CIITA: variants seen among roughly 807,000 people sequenced by gnomAD.
CIITA encodes MHC class II transactivator.
A neutral mutation model predicts 115.1 loss-of-function variants in CIITA; 72 were observed. That is an observed-to-expected ratio of 0.63 (90% CI 0.52 to 0.76). The LOEUF is 0.76. CIITA is among the 30% of genes least tolerant of loss of function. CIITA has a pLI of 0.00. For missense variants in CIITA, 1,617 were observed against 1,463.8 expected (o/e 1.10, Z -1.71); for synonymous variants, 763 against 635.6 (o/e 1.20, Z -3.02).
At chr16:10,878,399 C>G (rs1298401217) in intron 1 of CIITA, among the ~76,000 whole-genome samples, 1 of 152,134 alleles carries the variant, frequency 6.6e-6, no homozygotes, top group South Asian at 2.1e-4. Flanking sequence ...AGTCTCATGC[C>G]TTGGAGGACC....
chr16:10,872,834 CA>C (rs201053037), upstream of CIITA, among the ~76,000 whole-genome samples: 347 of 152,360 alleles, frequency 2.3e-3, 10 homozygotes, highest in East Asian at 0.061. Context: ...CACCAAAAAG[CA>C]TGAGATGAAG....
In CIITA at chr16:10,899,111, G is replaced by C. The variant is rs557174852; in HGVS notation, c.436+109G>C. On this transcript the variant is annotated intron_variant, in intron 5 of 19. Transcript: ENST00000324288. ...TTGCTTCCCTCGCTAAGTCCTGTCTGGTTGGGAGGCCCTTTAAAAGCCAAC... is the reference window on the plus strand; with the variant it reads ...TTGCTTCCCTCGCTAAGTCCTGTCTCGTTGGGAGGCCCTTTAAAAGCCAAC... The C allele has an allele frequency of 3.8e-6, 4 of 1,043,992 alleles. No homozygotes were observed. In the East Asian group the frequency reaches 9.9e-5, roughly 26 times the overall value. The allele number at this position is 1,043,992 out of a possible 1,614,324, so 64.7% of individuals were successfully genotyped here.
intron 1 of CIITA, among the ~76,000 whole-genome samples, chr16:10,870,169 CAAAAAAAAAAAAAAA>C (rs34256366): frequency 1.1e-4 from 5 of 46,284 alleles, no homozygotes; most frequent in South Asian, 1.0e-3. Flanking sequence ...GTACTTCCTG[CAAAAAAAAAAAAAAA>C]AAAAAAAAAA....
intron 16 of CIITA, among the ~76,000 whole-genome samples, chr16:10,921,517 A>T (rs193106941): frequency 2.6e-5 from 4 of 152,278 alleles, no homozygotes; most frequent in Admixed American, 2.6e-4. Context: ...CATGTTCTAA[A>T]TGTTATATCA....
rs1309966118 is a variant in CIITA at position 10,903,911 on chromosome 16, G to A, written c.937+16G>A. ...AACATGACAGGTAAGGACCCTTAGG[G>A]CCTGTGAGAGGTACTAGAAGCAGGA... is the stretch of plus-strand genomic sequence containing the variant. On this transcript the variant is annotated intron_variant, in intron 9 of 19. Transcript: ENST00000324288. 3 of 1,614,214 alleles carry A rather than the reference G, an allele frequency of 1.9e-6. No homozygotes were observed. Among genetic ancestry groups the A allele is most frequent in the Non-Finnish European group, 2.5e-6 (3 of 1,180,038 alleles).
At position 10,941,438 on chromosome 16, in the gene CIITA, A is replaced by G. The variant is rs535185166; in HGVS notation, n.564A>G. The G allele has an allele frequency of 2.7e-5, 24 of 900,440 alleles. No homozygotes were observed. Among genetic ancestry groups the G allele is most frequent in the Middle Eastern group, 4.0e-4 (1 of 2,494 alleles). 55.8% of individuals were successfully genotyped at this position (900,440 alleles called of 1,614,324 possible). The stretch of plus-strand genomic sequence containing the variant: ...TAAGAGGAGTCTGGCCATTCCTGGC[A>G]TCCAGTTAGACCTGGAGGAGGTGAA... On this transcript the variant is annotated non_coding_transcript_exon_variant, in exon 2 of 2. Transcript: ENST00000573379. The surrounding 1 kb of genome is among the most constrained non-coding windows in gnomAD (Gnocchi z 6.4).
At chr16:10,921,305 A>T (rs1026997971) in intron 16 of CIITA, among the ~76,000 whole-genome samples, 3 of 152,206 alleles carry the variant, frequency 2.0e-5, no homozygotes, top group Admixed American at 6.5e-5. Flanking sequence ...GGCATCAGTG[A>T]CACTCATCAT....
rs530334121 is a variant in CIITA at position 10,929,649 on chromosome 16, G to A, written c.*5794G>A. ...GGACAGGGACCAATCCACCAGGCTC[G>A]GGAGGCTTGGGGTGGGGCAGGGAAG... On this transcript the variant is annotated 3_prime_UTR_variant, in exon 20 of 20. Coordinates refer to ENST00000324288, the MANE Select transcript of CIITA (RefSeq NM_000246.4). The surrounding 1 kb of genome is among the most constrained non-coding windows in gnomAD (Gnocchi z 4.3). 3.9e-4 allele frequency: 317 copies of A among 805,888 alleles called. No individual in the cohort carries two copies. Among genetic ancestry groups the A allele is most frequent in the Non-Finnish European group, 4.6e-4 (305 of 666,304 alleles). 49.9% of individuals were successfully genotyped at this position (805,888 alleles called of 1,614,324 possible).
chr16:10,879,113 A>C lies in CIITA; in HGVS notation c.52+1731A>C, dbSNP rs1410650197. The C allele has an allele frequency of 1.1e-5, 2 of 187,770 alleles. No homozygotes were observed. The highest frequency in any genetic ancestry group is 2.2e-5 in the Non-Finnish European group (2 of 89,162). The allele number at this position is 187,770 out of a possible 1,614,324, so 11.6% of individuals were successfully genotyped here. A position where few individuals can be genotyped will look rare whatever the true frequency, so the allele number is the denominator to read the frequency against. On this transcript the variant is annotated intron_variant, in intron 1 of 19. Transcript: ENST00000324288. This position sits in a 1 kb window ranked among gnomAD's most constrained non-coding sequence, Gnocchi z 4.3. ...AATCGAGGCTCCGAGACTGTCAGCT[A>C]CTTGCTCAAGGTCACACAGCAAGTC...
rs1276601904 is a variant in CIITA, at chr16:10,924,227, G to C, written c.*372G>C. Reference sequence around the variant, plus strand: ...CTGCCCAGGCCCCTGCCACCCTGGGGAGAAAGTACTTCTTTTTTTTTATTT... The same window carrying C: ...CTGCCCAGGCCCCTGCCACCCTGGGCAGAAAGTACTTCTTTTTTTTTATTT... On this transcript the variant is annotated 3_prime_UTR_variant, in exon 20 of 20. Coordinates refer to ENST00000324288, the MANE Select transcript of CIITA (RefSeq NM_000246.4). The C allele has an allele frequency of 6.6e-6, 1 of 152,404 alleles. No individual in the cohort carries two copies. Among genetic ancestry groups the C allele is most frequent in the Non-Finnish European group, 1.5e-5 (1 of 68,212 alleles). The allele number at this position is 152,404 out of a possible 1,614,324, so 9.4% of individuals were successfully genotyped here.
At chr16:10,884,132 G>C (rs1462914574) in intron 1 of CIITA, among the ~76,000 whole-genome samples, 2 of 135,756 alleles carry the variant, frequency 1.5e-5, no homozygotes, top group Non-Finnish European at 3.0e-5. Context: ...TTTCACTTGT[G>C]ACTGAGCTTG....
intron 10 of CIITA, among the ~76,000 whole-genome samples, chr16:10,905,497 A>C (rs1002151778): frequency 2.0e-5 from 3 of 152,224 alleles, no homozygotes; most frequent in African/African-American, 7.2e-5. Flanking sequence ...ATGGTGCCTT[A>C]TGCCTGTAAT....
upstream of CIITA, among the ~76,000 whole-genome samples, chr16:10,875,281 A>G (rs767291456): frequency 4.6e-5 from 7 of 152,180 alleles, no homozygotes; most frequent in Non-Finnish European, 8.8e-5. Context: ...TCTGACATTC[A>G]CCATATCCGT....
chr16:10,941,250 C>G (rs912218392), downstream of CIITA: 3 of 157,700 alleles, frequency 1.9e-5, no homozygotes, highest in African/African-American at 7.2e-5. This position sits in a 1 kb window ranked among gnomAD's most constrained non-coding sequence, Gnocchi z 6.4. Context: ...GGAGGAGGAG[C>G]TGACAGCTCT....
Position 10,901,657 on chromosome 16 carries a change from ATGGT to A in CIITA, c.481+100_481+103del. The A allele has an allele frequency of 7.8e-7, 1 of 1,287,720 alleles. No individual in the cohort carries two copies. Among genetic ancestry groups the A allele is most frequent in the Non-Finnish European group, 1.1e-6 (1 of 907,464 alleles). The allele number at this position is 1,287,720 out of a possible 1,614,324, so 79.8% of individuals were successfully genotyped here. A position where few individuals can be genotyped will look rare whatever the true frequency, so the allele number is the denominator to read the frequency against. On this transcript the variant is annotated intron_variant, in intron 6 of 19. Coordinates refer to ENST00000324288, the MANE Select transcript of CIITA (RefSeq NM_000246.4). This position sits in a 1 kb window ranked among gnomAD's most constrained non-coding sequence, Gnocchi z 6.8. The stretch of plus-strand genomic sequence containing the variant: ...GGCCCAAGTCTGATGGGGATGGTGC[ATGGT>A]GCAGCCCCTGCCCTTCTTTGGGTAG...
At chr16:10,872,328 G>A (rs948137250), upstream of CIITA, among the ~76,000 whole-genome samples, 1 of 151,968 alleles carries the variant, frequency 6.6e-6, no homozygotes, top group Non-Finnish European at 1.5e-5. Context: ...TCATCATGTT[G>A]GCCAGGCTGG....
At chr16:10,910,163 C>T in intron 12 of CIITA, 25 bp from the exon 13 acceptor site, 2 of 1,608,574 alleles carry the variant, frequency 1.2e-6, no homozygotes, top group Non-Finnish European at 8.5e-7. Flanking sequence ...TGCCTGCTCC[C>T]CCTAACATTG....
chr16:10,898,506 A>C (rs1375178855), intron 3 of CIITA, among the ~76,000 whole-genome samples, 164 bp from the exon 4 acceptor site: 2 of 150,948 alleles, frequency 1.3e-5, no homozygotes, highest in African/African-American at 4.9e-5. Context: ...GGGCCCCTGG[A>C]GTGTCAGTGT....
Position 10,941,489 on chromosome 16 carries a change from GT to G in CIITA, n.616del, listed in dbSNP as rs773098471. ...CGGAGGAGAAGCCTGAGGGAGGGGT[GT>G]GTATCCGGCCTGGGAATTCCTCCCT... On this transcript the variant is annotated non_coding_transcript_exon_variant, in exon 2 of 2. Coordinates refer to the CIITA transcript ENST00000573379. This position sits in a 1 kb window ranked among gnomAD's most constrained non-coding sequence, Gnocchi z 6.4. 21 of 1,316,132 alleles carry G rather than the reference GT, an allele frequency of 1.6e-5. No homozygotes were observed. Among genetic ancestry groups the G allele is most frequent in the Non-Finnish European group, 2.1e-5 (21 of 1,015,690 alleles). 81.5% of individuals were successfully genotyped at this position (1,316,132 alleles called of 1,614,324 possible). A position where few individuals can be genotyped will look rare whatever the true frequency, so the allele number is the denominator to read the frequency against.
Sources: allele counts gnomAD v4.1 joint callset (sites outside exome capture counted in the v4.1 genomes callset), GRCh38; gene constraint gnomAD v4.1.1; non-coding constraint Gnocchi (gnomAD v3.1); transcripts MANE v1.5; gene names NCBI Gene and HGNC (gene_info 2026-07-23, HGNC 2026-07-21).